Variants in PLD1 observed in about 807,000 individuals in gnomAD.
PLD1 encodes the protein phospholipase D1.
Under a neutral mutation model 137.1 loss-of-function variants are expected in PLD1, and 112 were observed. The ratio of observed to expected loss-of-function variants is 0.82; its 90% CI spans 0.70 to 0.96. PLD1 has a LOEUF of 0.96. PLD1 is among the 40% of genes least tolerant of loss of function. The pLI is 0.00. For synonymous variants in PLD1, 431 were observed against 454.7 expected (o/e 0.95, Z 0.66); for missense variants, 1,321 against 1,342.0 (o/e 0.98, Z 0.24).
chr3:171,698,396 C>T (rs914759930), intron 12 of PLD1, among the ~76,000 whole-genome samples: 3 of 152,176 alleles, frequency 2.0e-5, no homozygotes, highest in African/African-American at 7.2e-5. Context: ...TGTTGTTTGG[C>T]AGAATGTGTT....
chr3:171,787,838 GT>G (rs36010901), intron 1 of PLD1, among the ~76,000 whole-genome samples: 4 of 149,028 alleles, frequency 2.7e-5, no homozygotes, highest in African/African-American at 9.9e-5. Context: ...AACCAACTTG[GT>G]TTTTTTTAAG....
intron 21 of PLD1, among the ~76,000 whole-genome samples, chr3:171,649,721 A>C (rs1736564064): frequency 6.6e-6 from 1 of 152,194 alleles, no homozygotes; most frequent in South Asian, 2.1e-4. Flanking sequence ...AGTTCAAAGC[A>C]ATTTCTACCA....
intron 9 of PLD1, among the ~76,000 whole-genome samples, chr3:171,711,167 C>CTTT (rs562934959): frequency 8.4e-5 from 8 of 94,806 alleles, no homozygotes; most frequent in East Asian, 3.3e-4. Context: ...CTGTGCCAGC[C>CTTT]TTTTTTTTTT....
At chr3:171,657,833 A>T (rs56354982) in intron 21 of PLD1, among the ~76,000 whole-genome samples, 1,834 of 152,300 alleles carry the variant, frequency 0.012, 33 homozygotes, top group African/African-American at 0.039. Flanking sequence ...AAATAAAAAA[A>T]ATTTCTGTTT....
intron 23 of PLD1, among the ~76,000 whole-genome samples, chr3:171,625,871 C>A (rs1734059546): frequency 1.3e-5 from 2 of 151,974 alleles, no homozygotes; most frequent in African/African-American, 4.8e-5. Flanking sequence ...TCATCAAAGA[C>A]CAAAAGTACA....
intron 1 of PLD1, among the ~76,000 whole-genome samples, chr3:171,768,773 A>G (rs1333409274): frequency 1.3e-5 from 2 of 152,256 alleles, no homozygotes; most frequent in African/African-American, 4.8e-5. Context: ...TCTGGGTCAC[A>G]GCGAGGTCCA....
At chr3:171,622,007 G>A (rs1733680051) in intron 23 of PLD1, among the ~76,000 whole-genome samples, 1 of 152,118 alleles carries the variant, frequency 6.6e-6, no homozygotes, top group Non-Finnish European at 1.5e-5. Flanking sequence ...CTAAATAAAT[G>A]TATGAGTGGA....
At chr3:171,682,166 A>AAGAAAGAAAGAAAGAAAGAAAAAG (rs1553819289) in intron 16 of PLD1, among the ~76,000 whole-genome samples, 2 of 29,476 alleles carry the variant, frequency 6.8e-5, no homozygotes, top group African/African-American at 1.8e-4. Flanking sequence ...GAAAGAAAGA[A>AAGAAAGAAAGAAAGAAAGAAAAAG]AAAGAAAGAA....
chr3:171,624,765 T>C (rs1733942180), intron 23 of PLD1, among the ~76,000 whole-genome samples: 2 of 152,110 alleles, frequency 1.3e-5, no homozygotes, highest in Admixed American at 1.3e-4. Flanking sequence ...TTCTGTTAAA[T>C]GGAAAAGGCA....
intron 12 of PLD1, 132 bp from the exon 13 acceptor site, chr3:171,692,574 G>A: frequency 1.7e-6 from 1 of 585,230 alleles, no homozygotes; most frequent in Admixed American, 3.0e-5. Context: ...AGCCTGGAGT[G>A]CAGTGGCGCA....
At chr3:171,683,216 C>T (rs1015334450) in intron 16 of PLD1, among the ~76,000 whole-genome samples, 3 of 152,080 alleles carry the variant, frequency 2.0e-5, no homozygotes, top group East Asian at 1.9e-4. Flanking sequence ...GCTGTCAGCT[C>T]GACCCTCAAA....
Position 171,690,005 on chromosome 3 carries a change from G to C in PLD1, c.1339-1129C>G, listed in dbSNP as rs149993761. Among the ~76,000 whole-genome samples the C allele has an allele frequency of 4.0e-3, 616 of 152,246 alleles. 20 individuals carry two copies. The highest frequency in any genetic ancestry group is 0.038 in the Admixed American group (582 of 15,294). On this transcript the variant is annotated intron_variant, in intron 13 of 26. Transcript: ENST00000351298. ...ATTAAATGTTTGGTAGAATTCACCA[G>C]GTCCCTGGCTTTTCATCTGGGGGAG... is the stretch of plus-strand genomic sequence containing the variant.
At chr3:171,713,753 T>C (rs1717447085) in intron 9 of PLD1, 140 bp downstream of exon 9, 1 of 679,814 alleles carries the variant, frequency 1.5e-6, no homozygotes, top group African/African-American at 1.8e-5. Flanking sequence ...AAAAAAGTGG[T>C]TTCATTACTA....
intron 21 of PLD1, among the ~76,000 whole-genome samples, chr3:171,654,890 G>C (rs1201749388): frequency 6.6e-6 from 1 of 152,150 alleles, no homozygotes; most frequent in Non-Finnish European, 1.5e-5. Context: ...GAACATGAAG[G>C]CTTTGCAAAA....
rs753258858 is a variant in PLD1 at position 171,612,481 on chromosome 3, A to G, written c.2729-49T>C. On this transcript the variant is annotated intron_variant, in intron 24 of 26. Transcript: ENST00000351298. The surrounding 1 kb of genome is among the most constrained non-coding windows in gnomAD (Gnocchi z 4.1). ...GAACAACCTTCCTGTTGTGGCAGAC[A>G]CTGTTGGTTGCCCTCCCAACTCAAT... The G allele has an allele frequency of 3.6e-5, 57 of 1,575,606 alleles. No homozygotes were observed. The highest frequency in any genetic ancestry group is 3.3e-5 in the Admixed American group (2 of 59,744).
chr3:171,639,343 A>G (rs1735441163), intron 23 of PLD1, among the ~76,000 whole-genome samples: 1 of 134,754 alleles, frequency 7.4e-6, no homozygotes, highest in Non-Finnish European at 1.5e-5. Flanking sequence ...ATATAAATAA[A>G]AGATATATAT....
chr3:171,666,486 T>G (rs189014553), intron 19 of PLD1, among the ~76,000 whole-genome samples: 2 of 152,364 alleles, frequency 1.3e-5, no homozygotes, highest in African/African-American at 4.8e-5. Context: ...TGGGGGATTA[T>G]TACAACTCAA....
intron 1 of PLD1, among the ~76,000 whole-genome samples, chr3:171,758,374 A>G (rs1000389430): frequency 9.2e-5 from 14 of 152,322 alleles, no homozygotes; most frequent in Non-Finnish European, 1.8e-4. Context: ...CAAAGTAATC[A>G]TAGTGATCAA....
chr3:171,698,811 C>CAAAAAAAAAA (rs11359377), intron 12 of PLD1, among the ~76,000 whole-genome samples: 2 of 103,952 alleles, frequency 1.9e-5, no homozygotes, highest in Admixed American at 1.0e-4. Flanking sequence ...TACAAAAATA[C>CAAAAAAAAAA]AAAAAAAAAA....
Sources: allele counts gnomAD v4.1 joint callset (sites outside exome capture counted in the v4.1 genomes callset), GRCh38; gene constraint gnomAD v4.1.1; non-coding constraint Gnocchi (gnomAD v3.1); transcripts MANE v1.5; gene names NCBI Gene and HGNC (gene_info 2026-07-23, HGNC 2026-07-21).